PLEKHH2: variants seen among roughly 807,000 people sequenced by gnomAD.
PLEKHH2 encodes the protein pleckstrin homology, MyTH4 and FERM domain containing H2, also known as pleckstrin homology domain-containing family H member 2.
PLEKHH2 carries 129 observed loss-of-function variants against 187.9 expected under a neutral mutation model. That is an observed-to-expected ratio of 0.69 (90% CI 0.59 to 0.79). PLEKHH2 has a LOEUF of 0.79. Ranked by LOEUF, PLEKHH2 falls within the 30% of genes least tolerant of loss-of-function variation. PLEKHH2 has a pLI of 0.00. For missense variants in PLEKHH2, 2,076 were observed against 1,751.2 expected (o/e 1.19, Z -3.31); for synonymous variants, 686 against 605.6 (o/e 1.13, Z -1.95).
rs927569518 is a variant in PLEKHH2 at position 43,681,192 on chromosome 2, A to G, written c.186+2267A>G. 9 of 680,110 alleles carry G rather than the reference A, an allele frequency of 1.3e-5. No homozygotes were observed. The South Asian group carries it at 1.6e-4, about 12-fold the overall frequency. The allele number at this position is 680,110 out of a possible 1,614,324, so 42.1% of individuals were successfully genotyped here. A position where few individuals can be genotyped will look rare whatever the true frequency, so the allele number is the denominator to read the frequency against. ...TCCTTTTGGTCCACCACTATTCCTC[A>G]AAGAATACAGAAAGCTGTTTCTCCA... On this transcript the variant is annotated intron_variant, in intron 3 of 29. Coordinates refer to ENST00000282406, the MANE Select transcript of PLEKHH2 (RefSeq NM_172069.4).
At chr2:43,653,744 G>C (rs1574481172) in intron 2 of PLEKHH2, among the ~76,000 whole-genome samples, 1 of 152,124 alleles carries the variant, frequency 6.6e-6, no homozygotes, top group Non-Finnish European at 1.5e-5. Flanking sequence ...AACATTTTGA[G>C]AGACAATTTA....
chr2:43,652,772 G>C (rs1331603645), intron 2 of PLEKHH2, among the ~76,000 whole-genome samples: 1 of 152,118 alleles, frequency 6.6e-6, no homozygotes, highest in Non-Finnish European at 1.5e-5. Context: ...CCTCTAACAC[G>C]AAAGACAGGG....
intron 10 of PLEKHH2, 28 bp downstream of exon 10, chr2:43,706,444 A>G (rs1669661140): frequency 1.4e-6 from 2 of 1,443,384 alleles, no homozygotes; most frequent in Non-Finnish European, 1.9e-6. Context: ...TTGTTAAAAC[A>G]TGTGCTTCTC....
chr2:43,753,175 G>A (rs989662649), intron 24 of PLEKHH2, among the ~76,000 whole-genome samples: 3 of 152,096 alleles, frequency 2.0e-5, no homozygotes, highest in African/African-American at 4.8e-5. Context: ...ATTTAATTTC[G>A]CTTGATGTCT....
At chr2:43,702,527 C>CTTTTTTT (rs1167078689) in intron 8 of PLEKHH2, among the ~76,000 whole-genome samples, 2,533 of 57,198 alleles carry the variant, frequency 0.044, 288 homozygotes, top group African/African-American at 0.11. Flanking sequence ...CATTCTACTA[C>CTTTTTTT]TTTTTTTTTT....
intron 20 of PLEKHH2, among the ~76,000 whole-genome samples, chr2:43,739,673 A>G (rs1671469693): frequency 6.6e-6 from 1 of 152,196 alleles, no homozygotes; most frequent in Non-Finnish European, 1.5e-5. Context: ...CTGCATCAAG[A>G]ACACTTTGTC....
chr2:43,707,622 G>C (rs1020628405), intron 11 of PLEKHH2, 77 bp downstream of exon 11: 1 of 1,529,544 alleles, frequency 6.5e-7, no homozygotes, highest in African/African-American at 1.4e-5. Flanking sequence ...CTCCATTACA[G>C]GATTATTTTT....
intron 2 of PLEKHH2, among the ~76,000 whole-genome samples, chr2:43,676,672 T>G (rs1461656091): frequency 6.6e-6 from 1 of 152,106 alleles, no homozygotes; most frequent in Non-Finnish European, 1.5e-5. Flanking sequence ...ACCTCACGAT[T>G]TGTGTATTCA....
chr2:43,696,018 A>G (rs1669073545), intron 6 of PLEKHH2, among the ~76,000 whole-genome samples: 1 of 152,122 alleles, frequency 6.6e-6, no homozygotes, highest in African/African-American at 2.4e-5. Flanking sequence ...ATGGATCACC[A>G]GTGTTCTAAT....
At chr2:43,725,168 G>A (rs1670680326) in intron 16 of PLEKHH2, among the ~76,000 whole-genome samples, 1 of 152,002 alleles carries the variant, frequency 6.6e-6, no homozygotes. Flanking sequence ...ACAGAGCAGA[G>A]TTTTTTTTAT....
chr2:43,646,338 G>A (rs1425230806), intron 2 of PLEKHH2, among the ~76,000 whole-genome samples: 1 of 152,062 alleles, frequency 6.6e-6, no homozygotes, highest in Non-Finnish European at 1.5e-5. Context: ...AACCCCAACT[G>A]CCCCATACAG....
chr2:43,660,633 C>T (rs1667026193), intron 2 of PLEKHH2, among the ~76,000 whole-genome samples: 1 of 120,520 alleles, frequency 8.3e-6, no homozygotes, highest in Admixed American at 8.8e-5. Context: ...CCCCACCCCA[C>T]CACAGTCCCC....
At chr2:43,712,900 AAAGT>A (rs1233613630) in intron 15 of PLEKHH2, among the ~76,000 whole-genome samples, 1 of 152,210 alleles carries the variant, frequency 6.6e-6, no homozygotes, top group African/African-American at 2.4e-5. Flanking sequence ...AATCTGGTGA[AAAGT>A]AAGACGTTTT....
At chr2:43,726,478 A>T (rs752732342) in intron 17 of PLEKHH2, 27 bp downstream of exon 17, 1 of 1,531,452 alleles carries the variant, frequency 6.5e-7, no homozygotes, top group Non-Finnish European at 9.0e-7. Flanking sequence ...TGGTTGATTT[A>T]GAATGATGTA....
intron 19 of PLEKHH2, among the ~76,000 whole-genome samples, chr2:43,737,676 A>G (rs1291319606): frequency 6.6e-6 from 1 of 152,216 alleles, no homozygotes; most frequent in African/African-American, 2.4e-5. Context: ...ACTGCTCAAG[A>G]CATGGCAGCT....
chr2:43,753,306 A>G (rs541374260), intron 24 of PLEKHH2, among the ~76,000 whole-genome samples: 1 of 152,302 alleles, frequency 6.6e-6, no homozygotes, highest in Non-Finnish European at 1.5e-5. Context: ...TATAAGCGCC[A>G]TATAGTTGGG....
intron 17 of PLEKHH2, among the ~76,000 whole-genome samples, chr2:43,728,953 C>A: frequency 6.6e-6 from 1 of 152,028 alleles, no homozygotes; most frequent in Non-Finnish European, 1.5e-5. Context: ...TGATAGCTGT[C>A]ACAGTATTTT....
At chr2:43,659,454 T>C (rs184616051) in intron 2 of PLEKHH2, among the ~76,000 whole-genome samples, 1 of 152,304 alleles carries the variant, frequency 6.6e-6, no homozygotes, top group Non-Finnish European at 1.5e-5. Context: ...TCTGAAGTCT[T>C]TCACATGGTG....
chr2:43,744,038 G>A (rs1221005841), intron 23 of PLEKHH2, 49 bp downstream of exon 23: 1 of 1,578,964 alleles, frequency 6.3e-7, no homozygotes, highest in Admixed American at 1.8e-5. Context: ...CAGCAAAGAA[G>A]CTACTCTTTA....
Sources: gnomAD v4.1 joint callset for allele counts (sites outside exome capture counted in the v4.1 genomes callset) on GRCh38, gnomAD v4.1.1 for gene constraint, MANE v1.5 for transcripts, NCBI Gene and HGNC (gene_info 2026-07-23, HGNC 2026-07-21) for gene names.